The following PRR5L variants were observed in gnomAD, a reference collection of about 807,000 sequenced individuals.
PRR5L encodes proline-rich protein 5-like.
PRR5L carries 21 observed loss-of-function variants against 36.4 expected under a neutral mutation model. The observed-to-expected ratio is 0.58, with a 90% CI of 0.41 to 0.83. The LOEUF (loss-of-function observed/expected upper bound fraction) is 0.83. Ranked by LOEUF, PRR5L falls within the 40% of genes least tolerant of loss-of-function variation. The pLI, the probability that PRR5L is intolerant of heterozygous loss-of-function variation, is 0.00. For synonymous variants in PRR5L, 188 were observed against 197.0 expected, an observed-to-expected ratio of 0.95 and a Z score of 0.38; for missense variants, 381 against 473.3, an observed-to-expected ratio of 0.80 and a Z score of 1.81.
chr11:36,438,874 G>A (rs1858661201), intron 6 of PRR5L, among the ~76,000 whole-genome samples: 1 of 152,138 alleles, frequency 6.6e-6, no homozygotes, highest in African/African-American at 2.4e-5. Context: ...GATTGAAGCT[G>A]TAGTGAGCTG....
chr11:36,461,495 C>T (rs189215354), intron 8 of PRR5L, among the ~76,000 whole-genome samples: 5 of 152,020 alleles, frequency 3.3e-5, no homozygotes, highest in South Asian at 2.1e-4. Flanking sequence ...TGGTGGTGGG[C>T]GCCTGTAGTC....
rs999285533 is a variant in PRR5L, at chr11:36,344,491, C to A, written c.-126+48053C>A. Among the ~76,000 whole-genome samples, 1 of 152,174 alleles carries A rather than the reference C, an allele frequency of 6.6e-6. No individual in the cohort carries two copies. Among genetic ancestry groups the A allele is most frequent in the African/African-American group, 2.4e-5 (1 of 41,438 alleles). On this transcript the variant is annotated intron_variant, in intron 1 of 8. Coordinates refer to ENST00000530639, the MANE Select transcript of PRR5L (RefSeq NM_001160167.2). The surrounding 1 kb of genome is among the most constrained non-coding windows in gnomAD (Gnocchi z 4.1). ...CCATTCTATGGCTATATTGTACCAC[C>A]TGTTTTGGACATTAACTTCATTTGT...
At chr11:36,316,522 A>G (rs186610621) in intron 1 of PRR5L, among the ~76,000 whole-genome samples, 16 of 152,184 alleles carry the variant, frequency 1.1e-4, no homozygotes, top group Admixed American at 2.0e-4. Flanking sequence ...CTGATTGGTG[A>G]GGTTGGAAAT....
In PRR5L at chr11:36,462,864, T is replaced by C; in HGVS notation, c.*128T>C. 1 of 884,676 alleles carries C rather than the reference T, an allele frequency of 1.1e-6. No homozygotes were observed. The highest frequency in any genetic ancestry group is 1.6e-6 in the Non-Finnish European group (1 of 618,340). The allele number at this position is 884,676 out of a possible 1,614,324, so 54.8% of individuals were successfully genotyped here. A position where few individuals can be genotyped will look rare whatever the true frequency, so the allele number is the denominator to read the frequency against. On this transcript the variant is annotated 3_prime_UTR_variant, in exon 9 of 9. Transcript: ENST00000530639. ...CCTTATTTCCTTTAGGGTACTGTCC[T>C]GGTCAAAATGACCTAAGGGGAAACC...
intron 1 of PRR5L, among the ~76,000 whole-genome samples, chr11:36,371,991 G>A (rs1288126711): frequency 6.6e-6 from 1 of 152,198 alleles, no homozygotes; most frequent in African/African-American, 2.4e-5. Flanking sequence ...CCAGGAGGCA[G>A]AATTTGCAGG....
rs909730123 is a variant in PRR5L, at chr11:36,464,517, T to TCAAA, written c.*1790_*1793dup. On this transcript the variant is annotated 3_prime_UTR_variant, in exon 9 of 9. Coordinates refer to ENST00000530639, the MANE Select transcript of PRR5L (RefSeq NM_001160167.2). ...GAGATCTGCTGATCTGCTGAGAGTT[T>TCAAA]CAAACAAACAAAAAAATAATCTCTA... is the stretch of plus-strand genomic sequence containing the variant. 9.2e-5 allele frequency: 14 copies of TCAAA among 152,320 alleles called. No homozygotes were observed. The highest frequency in any genetic ancestry group is 2.9e-4 in the African/African-American group (12 of 41,566). The allele number at this position is 152,320 out of a possible 1,614,324, so 9.4% of individuals were successfully genotyped here. A position where few individuals can be genotyped will look rare whatever the true frequency, so the allele number is the denominator to read the frequency against.
In PRR5L at chr11:36,401,066, G is replaced by GTAACATTAAAAAA; in HGVS notation, c.-56_-55insTAACATTAAAAAA. 1 of 1,587,592 alleles carries GTAACATTAAAAAA rather than the reference G, an allele frequency of 6.3e-7. No individual in the cohort carries two copies. Among genetic ancestry groups the GTAACATTAAAAAA allele is most frequent in the South Asian group, 1.1e-5 (1 of 88,248 alleles). ...GGCAGCCCCTGGAGAAGCCCTTTCCGAGGGCATTCGGAACCTTCTGGTCCT... is the reference window on the plus strand; with the variant it reads ...GGCAGCCCCTGGAGAAGCCCTTTCCGTAACATTAAAAAAAGGGCATTCGGAACCTTCTGGTCCT... On this transcript the variant is annotated 5_prime_UTR_variant, in exon 2 of 9. Coordinates refer to ENST00000530639, the MANE Select transcript of PRR5L (RefSeq NM_001160167.2).
intron 1 of PRR5L, among the ~76,000 whole-genome samples, chr11:36,318,646 A>G (rs769300706): frequency 1.3e-5 from 2 of 152,200 alleles, no homozygotes; most frequent in Non-Finnish European, 2.9e-5. Context: ...AAAGGAGGAA[A>G]TTTTGGAGTG....
At chr11:36,382,246 GC>G (rs1385045089) in intron 1 of PRR5L, among the ~76,000 whole-genome samples, 4 of 152,216 alleles carry the variant, frequency 2.6e-5, no homozygotes, top group Non-Finnish European at 5.9e-5. Context: ...GTCCTAACGG[GC>G]ATCATGGAGA....
chr11:36,323,555 C>G (rs1202196221), intron 1 of PRR5L: 1 of 152,212 alleles, frequency 6.6e-6, no homozygotes, highest in Non-Finnish European at 1.5e-5. Flanking sequence ...TTATCATTTT[C>G]TGTGTGTGCC....
At chr11:36,462,278 T>G in intron 8 of PRR5L, 64 bp from the exon 9 acceptor site, 1 of 1,437,398 alleles carries the variant, frequency 7.0e-7, no homozygotes. Context: ...CCAGTTGGAT[T>G]AGGAGCTTTT....
At chr11:36,345,604 T>C (rs1280793041) in intron 1 of PRR5L, among the ~76,000 whole-genome samples, 1 of 152,226 alleles carries the variant, frequency 6.6e-6, no homozygotes, top group Non-Finnish European at 1.5e-5. Flanking sequence ...CCTGTGTGTA[T>C]ATTCCCTCTA....
intron 1 of PRR5L, among the ~76,000 whole-genome samples, chr11:36,370,299 A>G (rs1039316189): frequency 2.0e-5 from 3 of 152,196 alleles, no homozygotes; most frequent in African/African-American, 7.2e-5. Flanking sequence ...TTTCAAAGTT[A>G]TCTTCTATGG....
intron 3 of PRR5L, among the ~76,000 whole-genome samples, chr11:36,418,073 T>C (rs753516356): frequency 1.3e-4 from 20 of 152,222 alleles, no homozygotes; most frequent in Non-Finnish European, 2.2e-4. Flanking sequence ...TTAAGATTCG[T>C]TGAAATCATC....
At chr11:36,324,179 CATA>C (rs1408032838) in intron 1 of PRR5L, among the ~76,000 whole-genome samples, 1 of 152,154 alleles carries the variant, frequency 6.6e-6, no homozygotes, top group East Asian at 1.9e-4. Context: ...TAAATTATGA[CATA>C]ATTAGATAAT....
intron 4 of PRR5L, among the ~76,000 whole-genome samples, chr11:36,419,827 GAA>G (rs980539319): frequency 2.8e-4 from 42 of 152,182 alleles, no homozygotes; most frequent in Middle Eastern, 3.2e-3. Flanking sequence ...AACTCGTGGA[GAA>G]TGTAAGGGAA....
At position 36,464,411 on chromosome 11, in the gene PRR5L, T is replaced by C. The variant is rs1859254305; in HGVS notation, c.*1675T>C. ...ATATGATTGATTAGAATTGTGCTCT[T>C]GATGGCTGGGAATTTAGAAATTTTA... On this transcript the variant is annotated 3_prime_UTR_variant, in exon 9 of 9. Coordinates refer to ENST00000530639, the MANE Select transcript of PRR5L (RefSeq NM_001160167.2). 2 of 152,226 alleles carry C rather than the reference T, an allele frequency of 1.3e-5. No homozygotes were observed. The highest frequency in any genetic ancestry group is 2.9e-5 in the Non-Finnish European group (2 of 68,032). 9.4% of individuals were successfully genotyped at this position (152,226 alleles called of 1,614,324 possible).
At chr11:36,452,974 C>G (rs535871732) in intron 8 of PRR5L, among the ~76,000 whole-genome samples, 7 of 152,182 alleles carry the variant, frequency 4.6e-5, no homozygotes, top group Non-Finnish European at 8.8e-5. Flanking sequence ...GCATCTTCAA[C>G]AACAAAAAAT....
intron 1 of PRR5L, among the ~76,000 whole-genome samples, chr11:36,349,218 A>T (rs1028407642): frequency 1.3e-4 from 18 of 137,526 alleles, no homozygotes; most frequent in African/African-American, 4.8e-4. Context: ...CGCGAGGCGG[A>T]GGTTGCAGTG....
Sources: allele counts gnomAD v4.1 joint callset (sites outside exome capture counted in the v4.1 genomes callset), GRCh38; gene constraint gnomAD v4.1.1; non-coding constraint Gnocchi (gnomAD v3.1); transcripts MANE v1.5; gene names NCBI Gene and HGNC (gene_info 2026-07-23, HGNC 2026-07-21).